The following NRG1 variants were observed in gnomAD, a reference collection of about 807,000 sequenced individuals.
The protein encoded by NRG1 is neuregulin 1, also known as pro-neuregulin-1, membrane-bound isoform.
Under a neutral mutation model 63.8 loss-of-function variants are expected in NRG1, and 18 were observed. The observed-to-expected ratio is 0.28, with a 90% CI of 0.19 to 0.42. The LOEUF (loss-of-function observed/expected upper bound fraction) is 0.42. NRG1 is among the 10% of genes least tolerant of loss of function. The pLI, the probability that NRG1 is intolerant of heterozygous loss-of-function variation, is 1.00. For synonymous variants in NRG1, 302 were observed against 301.3 expected (o/e 1.00, Z -0.02); for missense variants, 762 against 814.7 (o/e 0.94, Z 0.79).
chr8:32,402,364 C>A (rs1375230261), intron 1 of NRG1, among the ~76,000 whole-genome samples: 1 of 152,116 alleles, frequency 6.6e-6, no homozygotes, highest in African/African-American at 2.4e-5. Flanking sequence ...CCCTCTGATT[C>A]GTGGCTTTGA....
intron 1 of NRG1, among the ~76,000 whole-genome samples, chr8:32,473,807 C>T (rs1426212300): frequency 6.6e-6 from 1 of 152,168 alleles, no homozygotes; most frequent in African/African-American, 2.4e-5. Context: ...CTTCAACCTG[C>T]TGAGTAGCTA....
At chr8:32,183,458 G>T (rs16878947) in intron 1 of NRG1, among the ~76,000 whole-genome samples, 3,071 of 152,204 alleles carry the variant, frequency 0.02, 99 homozygotes, top group African/African-American at 0.071. Flanking sequence ...GCAAAATGCT[G>T]CAGGGATTAG....
At chr8:32,300,341 T>G (rs1186910667) in intron 1 of NRG1, among the ~76,000 whole-genome samples, 1 of 152,204 alleles carries the variant, frequency 6.6e-6, no homozygotes, top group Non-Finnish European at 1.5e-5. Context: ...AAATTTTATC[T>G]TCTTAATTGT....
At chr8:32,210,011 C>T (rs1844527688) in intron 1 of NRG1, among the ~76,000 whole-genome samples, 2 of 152,074 alleles carry the variant, frequency 1.3e-5, no homozygotes, top group Admixed American at 6.6e-5. Context: ...GATTTATCTT[C>T]TGTAAATAAA....
chr8:32,001,312 T>C (rs1054332006), intron 1 of NRG1, among the ~76,000 whole-genome samples: 4 of 152,042 alleles, frequency 2.6e-5, no homozygotes, highest in Non-Finnish European at 5.9e-5. Context: ...ATAAGTCTCA[T>C]GAGATCTGAT....
chr8:32,481,276 G>A (rs529900330), intron 1 of NRG1, among the ~76,000 whole-genome samples: 6 of 152,190 alleles, frequency 3.9e-5, no homozygotes, highest in African/African-American at 7.2e-5. Context: ...CCTGGCAGGC[G>A]GAGGTTGCAG....
chr8:32,462,119 G>A (rs1464146956), intron 1 of NRG1, among the ~76,000 whole-genome samples: 2 of 152,114 alleles, frequency 1.3e-5, no homozygotes, highest in Non-Finnish European at 2.9e-5. Flanking sequence ...TTGCAATACA[G>A]GGCATACACA....
chr8:31,685,019 C>T (rs1031272829), intron 1 of NRG1, among the ~76,000 whole-genome samples: 3 of 152,112 alleles, frequency 2.0e-5, no homozygotes, highest in South Asian at 2.1e-4. Context: ...TAATCTCCTA[C>T]GTATTTTCAT....
intron 1 of NRG1, among the ~76,000 whole-genome samples, chr8:32,132,362 C>T (rs1489983186): frequency 6.6e-6 from 1 of 152,138 alleles, no homozygotes; most frequent in East Asian, 1.9e-4. Context: ...AGGATAAGCT[C>T]TTTGCTCTAC....
intron 1 of NRG1, among the ~76,000 whole-genome samples, chr8:31,958,955 G>C (rs567040015): frequency 6.6e-6 from 1 of 152,268 alleles, no homozygotes; most frequent in Non-Finnish European, 1.5e-5. Flanking sequence ...TCAGGAGATT[G>C]TTGGGTCCTT....
At chr8:32,684,102 G>T (rs10103622) in intron 5 of NRG1, among the ~76,000 whole-genome samples, 12,939 of 152,162 alleles carry the variant, frequency 0.085, 584 homozygotes, top group Middle Eastern at 0.095. Context: ...GGAGGCGGAG[G>T]TTGCAGTGAG....
At chr8:32,144,596 T>C (rs1836666210) in intron 1 of NRG1, among the ~76,000 whole-genome samples, 2 of 152,128 alleles carry the variant, frequency 1.3e-5, no homozygotes. Context: ...TGCCATGGAG[T>C]GCATGCAGGA....
intron 1 of NRG1, among the ~76,000 whole-genome samples, chr8:32,572,133 T>C (rs541172012): frequency 6.6e-5 from 10 of 152,350 alleles, no homozygotes; most frequent in African/African-American, 2.4e-4. Context: ...TCTCATTTCC[T>C]GTTTTCAAAG....
intron 1 of NRG1, among the ~76,000 whole-genome samples, chr8:31,824,149 T>C (rs956736913): frequency 4.2e-4 from 64 of 151,570 alleles, no homozygotes; most frequent in African/African-American, 1.4e-3. Context: ...GTATATCTCC[T>C]AATGCTATCC....
chr8:31,678,592 A>G (rs1807979550), intron 1 of NRG1, among the ~76,000 whole-genome samples: 1 of 151,762 alleles, frequency 6.6e-6, no homozygotes, highest in Non-Finnish European at 1.5e-5. Context: ...GTGTGACCCA[A>G]TTTAAACTTT....
At chr8:32,040,262 T>C (rs1819727534) in intron 1 of NRG1, among the ~76,000 whole-genome samples, 1 of 152,242 alleles carries the variant, frequency 6.6e-6, no homozygotes. Context: ...GTTGATTACC[T>C]GAGCAACCAT....
At chr8:31,867,943 C>G (rs924394793) in intron 1 of NRG1, among the ~76,000 whole-genome samples, 3 of 151,980 alleles carry the variant, frequency 2.0e-5, no homozygotes, top group Non-Finnish European at 4.4e-5. Context: ...TGTATTGGAC[C>G]AACTGCTCTT....
At chr8:32,132,753 A>G (rs1050221272) in intron 1 of NRG1, among the ~76,000 whole-genome samples, 12 of 152,176 alleles carry the variant, frequency 7.9e-5, no homozygotes, top group African/African-American at 2.9e-4. Flanking sequence ...ATGATGTTTA[A>G]ATCTATGCAC....
intron 1 of NRG1, among the ~76,000 whole-genome samples, chr8:31,823,479 G>T (rs983979961): frequency 6.6e-6 from 1 of 152,078 alleles, no homozygotes; most frequent in Non-Finnish European, 1.5e-5. Flanking sequence ...ACATTTATTG[G>T]AAGAGTTGGT....
Sources: gnomAD v4.1 joint callset for allele counts (sites outside exome capture counted in the v4.1 genomes callset) on GRCh38, gnomAD v4.1.1 for gene constraint, MANE v1.5 for transcripts, NCBI Gene and HGNC (gene_info 2026-07-23, HGNC 2026-07-21) for gene names.